The following ZDHHC15 variants were observed in gnomAD, a reference collection of about 807,000 sequenced individuals.
ZDHHC15 encodes zDHHC palmitoyltransferase 15, also known as palmitoyltransferase ZDHHC15.
ZDHHC15 carries 19 observed loss-of-function variants against 31.7 expected under a neutral mutation model. The ratio of observed to expected loss-of-function variants is 0.60; its 90% CI spans 0.42 to 0.88. ZDHHC15 has a LOEUF of 0.88. Ranked by LOEUF, ZDHHC15 falls within the 40% of genes least tolerant of loss-of-function variation. The pLI is 0.00. For missense variants in ZDHHC15, 209 were observed against 251.2 expected (o/e 0.83, Z 1.14); for synonymous variants, 103 against 90.0 (o/e 1.14, Z -0.82).
intron 7 of ZDHHC15, among the ~76,000 whole-genome samples, chrX:75,426,740 T>C (rs940431317): frequency 1.3e-4 from 15 of 111,552 alleles, no homozygotes; most frequent in African/African-American, 4.9e-4. Context: ...CTGAATTCTT[T>C]AATCTCATGG....
At chrX:75,484,729 G>GAA (rs1209018570) in intron 2 of ZDHHC15, among the ~76,000 whole-genome samples, 2 of 111,574 alleles carry the variant, frequency 1.8e-5, no homozygotes, top group Non-Finnish European at 3.8e-5. Context: ...TTACTCAAGA[G>GAA]AAACAAAAAC....
intron 10 of ZDHHC15, among the ~76,000 whole-genome samples, chrX:75,388,188 G>A (rs1411988322): frequency 8.9e-6 from 1 of 112,319 alleles, no homozygotes; most frequent in East Asian, 2.8e-4. Context: ...ACAAGAAATG[G>A]TAAAGGAGCT....
At chrX:75,510,511 T>C (rs1318190411) in intron 1 of ZDHHC15, among the ~76,000 whole-genome samples, 4 of 95,187 alleles carry the variant, frequency 4.2e-5, no homozygotes, top group African/African-American at 1.4e-4. Flanking sequence ...CAGTTTATAT[T>C]TCTTCTCTCT....
At chrX:75,430,077 G>A in intron 5 of ZDHHC15, 97 bp from the exon 6 acceptor site, 1 of 929,919 alleles carries the variant, frequency 1.1e-6, no homozygotes, top group South Asian at 2.4e-5. Context: ...TTTTTACATG[G>A]TTCTAATAAC....
rs1358108101 is a variant in ZDHHC15, at chrX:75,475,886, T to C, written c.258+3005A>G. On this transcript the variant is annotated intron_variant, in intron 3 of 11. Transcript: ENST00000373367. Reference sequence around the variant, plus strand: ...TTTCCCTTTATTCATGTCTACTTTCTTTCAGTGACATTTTTTAGTTTTCAC... The same window carrying C: ...TTTCCCTTTATTCATGTCTACTTTCCTTCAGTGACATTTTTTAGTTTTCAC... Among the ~76,000 whole-genome samples the C allele has an allele frequency of 1.6e-4, 18 of 112,183 alleles. No individual in the cohort carries two copies. In the Admixed American group the frequency reaches 1.7e-3, roughly 11 times the overall value.
chrX:75,414,859 G>T, intron 10 of ZDHHC15, among the ~76,000 whole-genome samples: 1 of 108,027 alleles, frequency 9.3e-6, no homozygotes, highest in East Asian at 2.9e-4. Flanking sequence ...TCCATCTCCT[G>T]GGTTCAAGTG....
At chrX:75,460,368 GC>G (rs1268863767) in intron 3 of ZDHHC15, among the ~76,000 whole-genome samples, 1 of 110,984 alleles carries the variant, frequency 9.0e-6, no homozygotes, top group Non-Finnish European at 1.9e-5. Flanking sequence ...TGCTGGCTTT[GC>G]AGAGTCCAAA....
At chrX:75,440,304 G>C (rs2083921070) in intron 4 of ZDHHC15, among the ~76,000 whole-genome samples, 2 of 110,287 alleles carry the variant, frequency 1.8e-5, no homozygotes, top group African/African-American at 6.6e-5. Context: ...GATGGAGATG[G>C]AGTCTTGCTC....
chrX:75,421,162 A>G (rs1034516190), intron 9 of ZDHHC15, among the ~76,000 whole-genome samples: 1 of 101,511 alleles, frequency 9.9e-6, no homozygotes, highest in Admixed American at 1.1e-4. Context: ...TTTTAATCAC[A>G]GTGTATTGAA....
chrX:75,496,702 A>G (rs1294375143), intron 2 of ZDHHC15, among the ~76,000 whole-genome samples: 2 of 111,774 alleles, frequency 1.8e-5, no homozygotes, highest in Non-Finnish European at 3.8e-5. Context: ...CTCCAAAAGG[A>G]ACCTTCAAAA....
rs531953633 is a variant in ZDHHC15 at position 75,507,047 on chromosome X, G to T, written c.137-1200C>A. Among the ~76,000 whole-genome samples the T allele has an allele frequency of 7.5e-4, 83 of 111,212 alleles. No homozygotes were observed. The South Asian group carries it at 0.031, about 41-fold the overall frequency. On this transcript the variant is annotated intron_variant, in intron 1 of 11. Coordinates refer to ENST00000373367, the MANE Select transcript of ZDHHC15 (RefSeq NM_144969.3). ...TGGGAGCCGGTGAATTCTCCAGGTG[G>T]GGAACAGCTATCTGTAAATAACTGC... is the stretch of plus-strand genomic sequence containing the variant.
chrX:75,386,476 A>G (rs1469402123), intron 10 of ZDHHC15, among the ~76,000 whole-genome samples: 2 of 111,857 alleles, frequency 1.8e-5, no homozygotes, highest in Non-Finnish European at 3.8e-5. Context: ...CAGTTCTTTT[A>G]TTGCTAGATT....
intron 10 of ZDHHC15, among the ~76,000 whole-genome samples, chrX:75,413,079 G>A (rs1307014066): frequency 8.9e-6 from 1 of 111,951 alleles, no homozygotes. Flanking sequence ...ACAAAAAAAG[G>A]TAACTATGTG....
intron 10 of ZDHHC15, among the ~76,000 whole-genome samples, chrX:75,407,458 C>T (rs1355038468): frequency 5.2e-4 from 51 of 97,416 alleles, no homozygotes; most frequent in African/African-American, 1.2e-3. Context: ...AGCCCCCGCC[C>T]GGTCAGCCAC....
chrX:75,380,900 T>C (rs771591466), intron 10 of ZDHHC15, among the ~76,000 whole-genome samples: 3 of 111,538 alleles, frequency 2.7e-5, no homozygotes, highest in Non-Finnish European at 3.8e-5. Flanking sequence ...CTCCTAGATC[T>C]CCTTTACTTT....
chrX:75,407,503 T>TGG (rs1381858884), intron 10 of ZDHHC15, among the ~76,000 whole-genome samples: 1 of 97,203 alleles, frequency 1.0e-5, no homozygotes, highest in Non-Finnish European at 2.1e-5. Flanking sequence ...GGGAGGGAGG[T>TGG]GGGGGGCAGC....
At chrX:75,388,755 G>T (rs953871137) in intron 10 of ZDHHC15, among the ~76,000 whole-genome samples, 4 of 111,737 alleles carry the variant, frequency 3.6e-5, no homozygotes, top group African/African-American at 9.8e-5. Flanking sequence ...ATGTAAATAG[G>T]TTCAATTCTC....
At chrX:75,479,435 G>C in intron 2 of ZDHHC15, among the ~76,000 whole-genome samples, 1 of 111,994 alleles carries the variant, frequency 8.9e-6, no homozygotes, top group Admixed American at 9.5e-5. Context: ...ACTACCAGAG[G>C]TAGTTGATTA....
intron 10 of ZDHHC15, among the ~76,000 whole-genome samples, chrX:75,402,756 T>C (rs1261522443): frequency 9.0e-6 from 1 of 111,014 alleles, no homozygotes; most frequent in Non-Finnish European, 1.9e-5. Flanking sequence ...GCCTACTAAA[T>C]GAAAATGCCT....
Sources: allele counts gnomAD v4.1 joint callset (sites outside exome capture counted in the v4.1 genomes callset), GRCh38; gene constraint gnomAD v4.1.1; transcripts MANE v1.5; gene names NCBI Gene and HGNC (gene_info 2026-07-23, HGNC 2026-07-21).